The following BRWD1 variants were observed in gnomAD, a reference collection of about 807,000 sequenced individuals.
BRWD1 encodes the protein bromodomain and WD repeat domain containing 1.
A neutral mutation model predicts 251.2 loss-of-function variants in BRWD1; 82 were observed. The ratio of observed to expected loss-of-function variants is 0.33; its 90% CI spans 0.27 to 0.39. The LOEUF (loss-of-function observed/expected upper bound fraction) is 0.39, where lower values mean the gene tolerates loss of function less well. BRWD1 is among the 10% of genes least tolerant of loss of function. BRWD1 has a pLI of 1.00. For synonymous variants in BRWD1, 918 were observed against 902.8 expected (o/e 1.02, Z -0.30); for missense variants, 2,233 against 2,711.6 (o/e 0.82, Z 3.92).
At chr21:39,274,578 C>A in intron 12 of BRWD1, 106 bp from the exon 13 acceptor site, 1 of 871,680 alleles carries the variant, frequency 1.1e-6, no homozygotes, top group Non-Finnish European at 1.9e-6. Context: ...GTCCTAACAA[C>A]AGGACAATCC....
intron 8 of BRWD1, among the ~76,000 whole-genome samples, chr21:39,290,931 A>G (rs2035789584): frequency 6.6e-6 from 1 of 152,146 alleles, no homozygotes; most frequent in Non-Finnish European, 1.5e-5. Context: ...TAGGAATTCA[A>G]GAACAGCCTG....
intron 21 of BRWD1, among the ~76,000 whole-genome samples, chr21:39,244,921 A>AATATATATATATAT (rs56801824): frequency 0.015 from 1,725 of 112,376 alleles, 69 homozygotes; most frequent in Middle Eastern, 0.032. Context: ...CTTTGGAAGA[A>AATATATATATATAT]ATATATATAT....
chr21:39,199,012 T>G lies in BRWD1; in HGVS notation c.5404A>C (p.Lys1802Gln), dbSNP rs1386795696. 1 of 1,614,198 alleles carries G rather than the reference T, an allele frequency of 6.2e-7. No individual in the cohort carries two copies. Residue 1802 changes from lysine to glutamine, a missense_variant, in exon 40 of 41, where the codon AAA (lysine) becomes CAA (glutamine). Physicochemically the swap from Lys to Gln is moderately conservative, Grantham distance 53. Around this residue, in one of 12 missense-constraint regions of BRWD1, gnomAD observed 928 missense variants for 970.0 expected, o/e 0.96. Coordinates refer to ENST00000342449, the MANE Select transcript of BRWD1 (RefSeq NM_033656.4). ...DSEPGRSGGR[K>Q]YNTFHKNASF... ...GCATTCTTGTGAAATGTATTGTATT[T>G]CCTACCACCAGATCTTCCTGGTTCA...
intron 36 of BRWD1, among the ~76,000 whole-genome samples, chr21:39,209,334 C>T (rs983493936): frequency 4.0e-5 from 6 of 151,858 alleles, no homozygotes; most frequent in Admixed American, 2.6e-4. Context: ...AAGCCAGCAC[C>T]GGAGTCAGAT....
intron 14 of BRWD1, 85 bp from the exon 15 acceptor site, chr21:39,270,118 C>A: frequency 7.8e-7 from 1 of 1,281,886 alleles, no homozygotes; most frequent in Non-Finnish European, 1.0e-6. Context: ...ACAGCATATA[C>A]TTTTAGAAAT....
Position 39,238,506 on chromosome 21 carries a change from T to C in BRWD1, c.2549A>G (p.Lys850Arg), listed in dbSNP as rs1174342355. The stretch of plus-strand genomic sequence containing the variant: ...TGAACTTTCGCTGTAACTCTCACTT[T>C]TTCTGTCACTTCTCCATTCATCCTC... ...SEEDEWRSDR[K>R]SESYSESSSD... The change falls in exon 22 of 41, where the codon AAA becomes AGA. Residue 850 changes from lysine to arginine, a missense_variant. Lys to Arg is a conservative substitution (Grantham distance 26). Around this residue, in one of 12 missense-constraint regions of BRWD1, gnomAD observed 214 missense variants for 222.0 expected, o/e 0.96. Transcript: ENST00000342449. 3.1e-6 allele frequency: 5 copies of C among 1,613,502 alleles called. No individual in the cohort carries two copies. Among genetic ancestry groups the C allele is most frequent in the African/African-American group, 2.7e-5 (2 of 74,896 alleles).
At chr21:39,319,286 A>C (rs890595152) in intron 1 of BRWD1, among the ~76,000 whole-genome samples, 2 of 151,990 alleles carry the variant, frequency 1.3e-5, no homozygotes, top group African/African-American at 4.8e-5. Flanking sequence ...TTGTTTCCAC[A>C]TTTATCTCTT....
chr21:39,271,485 T>A (rs538244711), intron 13 of BRWD1, among the ~76,000 whole-genome samples: 1 of 150,954 alleles, frequency 6.6e-6, no homozygotes, highest in Non-Finnish European at 1.5e-5. Flanking sequence ...GTCAGGAGAT[T>A]GAGACCATCC....
At chr21:39,290,050 A>G (rs988314292) in intron 8 of BRWD1, among the ~76,000 whole-genome samples, 2 of 151,586 alleles carry the variant, frequency 1.3e-5, no homozygotes, top group African/African-American at 2.4e-5. Flanking sequence ...GAAGCTAGCA[A>G]TCAGTCTTCT....
At chr21:39,274,557 G>C in intron 12 of BRWD1, 85 bp from the exon 13 acceptor site, 1 of 1,072,454 alleles carries the variant, frequency 9.3e-7, no homozygotes, top group Non-Finnish European at 1.4e-6. Flanking sequence ...AAAAAAGAAT[G>C]TAATGAAGCT....
chr21:39,231,097 A>G (rs530568940), intron 25 of BRWD1, among the ~76,000 whole-genome samples: 9 of 152,116 alleles, frequency 5.9e-5, no homozygotes, highest in South Asian at 4.1e-4. Context: ...TAAGTTGAAT[A>G]TAAGTGTTAA....
chr21:39,238,087 C>T (rs1422994793), intron 22 of BRWD1, among the ~76,000 whole-genome samples: 1 of 151,998 alleles, frequency 6.6e-6, no homozygotes, highest in Non-Finnish European at 1.5e-5. Context: ...GTGACGTGCA[C>T]CAAGAACCAG....
intron 8 of BRWD1, among the ~76,000 whole-genome samples, chr21:39,283,343 A>C (rs1281272661): frequency 6.6e-6 from 1 of 152,236 alleles, no homozygotes; most frequent in Non-Finnish European, 1.5e-5. Flanking sequence ...CTGATTCAGG[A>C]ACATGGTAGA....
Position 39,190,294 on chromosome 21 carries a change from G to A in BRWD1, c.*5965C>T. On this transcript the variant is annotated 3_prime_UTR_variant, in exon 41 of 41. Transcript: ENST00000342449. ...GCACAATATTTCATCATACAAAACT[G>A]TTTTCCTAAATTCAAAGTAAACTGC... The A allele has an allele frequency of 1.0e-6, 1 of 984,576 alleles. No homozygotes were observed. The highest frequency in any genetic ancestry group is 1.2e-6 in the Non-Finnish European group (1 of 829,384). The allele number at this position is 984,576 out of a possible 1,614,324, so 61.0% of individuals were successfully genotyped here. A position where few individuals can be genotyped will look rare whatever the true frequency, so the allele number is the denominator to read the frequency against.
downstream of BRWD1, chr21:39,185,246 A>G (rs939102124): frequency 6.8e-6 from 1 of 147,924 alleles, no homozygotes; most frequent in Non-Finnish European, 1.5e-5. Context: ...ACCCCACCAC[A>G]GCAAATTATA....
upstream of BRWD1, among the ~76,000 whole-genome samples, chr21:39,318,741 G>A (rs886574528): frequency 4.0e-5 from 6 of 151,880 alleles, no homozygotes; most frequent in Middle Eastern, 3.2e-3. Flanking sequence ...CAGTCCTACC[G>A]CTGAGTACTT....
intron 19 of BRWD1, among the ~76,000 whole-genome samples, chr21:39,254,477 A>G (rs899873892): frequency 2.6e-5 from 4 of 152,200 alleles, no homozygotes; most frequent in African/African-American, 9.6e-5. Context: ...TCAATAAAGA[A>G]TATCAGAAAT....
chr21:39,260,324 CAA>C (rs2034700710), intron 17 of BRWD1, among the ~76,000 whole-genome samples: 1 of 151,758 alleles, frequency 6.6e-6, no homozygotes, highest in African/African-American at 2.4e-5. Flanking sequence ...TTGGTAGACA[CAA>C]AGTCTTGCTA....
chr21:39,255,041 C>T (rs1426008339), intron 19 of BRWD1, among the ~76,000 whole-genome samples: 1 of 151,942 alleles, frequency 6.6e-6, no homozygotes, highest in Non-Finnish European at 1.5e-5. Flanking sequence ...CGCTTATGGA[C>T]AAAAATAATA....
Sources: allele counts gnomAD v4.1 joint callset (sites outside exome capture counted in the v4.1 genomes callset), GRCh38; gene constraint gnomAD v4.1.1; regional missense constraint gnomAD v4.1.1; transcripts MANE v1.5; gene names NCBI Gene and HGNC (gene_info 2026-07-23, HGNC 2026-07-21).